Variants in GRIP1 observed in about 807,000 individuals in gnomAD.
GRIP1 encodes glutamate receptor-interacting protein 1.
Under a neutral mutation model 129.9 loss-of-function variants are expected in GRIP1, and 45 were observed. The ratio of observed to expected loss-of-function variants is 0.35; its 90% CI spans 0.27 to 0.44. The LOEUF is 0.44. Among genes scored for constraint, GRIP1 ranks in the 20% least tolerant of loss-of-function variants. GRIP1 has a pLI of 1.00. For missense variants in GRIP1, 1,196 were observed against 1,396.8 expected, an observed-to-expected ratio of 0.86 and a Z score of 2.29; for synonymous variants, 530 against 520.8, an observed-to-expected ratio of 1.02 and a Z score of -0.24.
chr12:66,820,501 T>C (rs908660663), intron 1 of GRIP1, among the ~76,000 whole-genome samples: 1 of 152,162 alleles, frequency 6.6e-6, no homozygotes, highest in Non-Finnish European at 1.5e-5. Flanking sequence ...ATCATGCTCA[T>C]TGGTATTTAC....
intron 1 of GRIP1, among the ~76,000 whole-genome samples, chr12:66,810,288 T>TGGCTCAC (rs770120622): frequency 3.3e-5 from 5 of 152,196 alleles, no homozygotes; most frequent in Admixed American, 6.5e-5. Context: ...CCAGGCATGG[T>TGGCTCAC]GGCTCACAGC....
rs375224883 is a variant in GRIP1, at chr12:67,059,806, CAA to C, written c.58+9242_58+9243del. 5.7e-3 allele frequency among the ~76,000 whole-genome samples: 874 copies of C among 152,300 alleles called. 9 individuals carry two copies. Among genetic ancestry groups the C allele is most frequent in the African/African-American group, 0.02 (841 of 41,554 alleles). On this transcript the variant is annotated intron_variant, in intron 1 of 1. Transcript: ENST00000643019. ...AAGTATACTCTAAACCAGTACTATT[CAA>C]AATGTGCTCTATGGACCATGCCAGT...
At chr12:66,349,444 T>C (rs530109778) in intron 24 of GRIP1, among the ~76,000 whole-genome samples, 198 bp from the exon 25 acceptor site, 13 of 152,290 alleles carry the variant, frequency 8.5e-5, no homozygotes, top group Non-Finnish European at 1.3e-4. Context: ...TGTAAGACTC[T>C]CGAGGGCAAG....
chr12:66,596,465 C>T (rs2064054183), intron 2 of GRIP1, among the ~76,000 whole-genome samples: 1 of 152,186 alleles, frequency 6.6e-6, no homozygotes, highest in Admixed American at 6.5e-5. Context: ...ATTCAGCATA[C>T]ATGATCTGTT....
chr12:66,372,361 T>C, intron 22 of GRIP1: 2 of 268,746 alleles, frequency 7.4e-6, no homozygotes, highest in Non-Finnish European at 1.4e-5. Flanking sequence ...GTACTTGCAA[T>C]GCTGCCTCTA....
chr12:66,904,361 T>C (rs551959473), intron 1 of GRIP1, among the ~76,000 whole-genome samples: 10 of 152,314 alleles, frequency 6.6e-5, no homozygotes, highest in East Asian at 1.9e-4. Context: ...GTAATGGAAG[T>C]ATTAATTAGT....
chr12:66,384,897 G>A (rs1016493346), intron 19 of GRIP1, among the ~76,000 whole-genome samples: 2 of 152,226 alleles, frequency 1.3e-5, no homozygotes, highest in Non-Finnish European at 2.9e-5. Flanking sequence ...ACCTTTAACT[G>A]ATACAGCTGG....
chr12:66,849,099 C>T (rs1286595434), intron 1 of GRIP1, among the ~76,000 whole-genome samples: 5 of 152,082 alleles, frequency 3.3e-5, no homozygotes, highest in Admixed American at 2.6e-4. Flanking sequence ...ATTAACAGCC[C>T]GCAAGACAAA....
At chr12:66,384,016 T>A (rs1423126512) in intron 19 of GRIP1, among the ~76,000 whole-genome samples, 1 of 152,210 alleles carries the variant, frequency 6.6e-6, no homozygotes, top group Non-Finnish European at 1.5e-5. Context: ...CCGAAATATT[T>A]AGAAGCATGG....
chr12:66,517,033 G>A (rs775811901), intron 6 of GRIP1, among the ~76,000 whole-genome samples: 59 of 152,124 alleles, frequency 3.9e-4, no homozygotes, highest in Non-Finnish European at 6.8e-4. Context: ...TCCCTAGCAC[G>A]TAGTAAATGC....
chr12:66,985,104 T>C (rs2042292567), intron 1 of GRIP1, among the ~76,000 whole-genome samples: 1 of 152,174 alleles, frequency 6.6e-6, no homozygotes, highest in Non-Finnish European at 1.5e-5. Flanking sequence ...TCTCACAGCA[T>C]GCTGGCTGGC....
chr12:66,907,526 G>C (rs1404637787), intron 1 of GRIP1, among the ~76,000 whole-genome samples: 1 of 152,150 alleles, frequency 6.6e-6, no homozygotes, highest in Non-Finnish European at 1.5e-5. Flanking sequence ...AGGTTCCCAG[G>C]AGGAAGCAGA....
intron 2 of GRIP1, among the ~76,000 whole-genome samples, chr12:66,560,708 A>G (rs962046257): frequency 2.6e-5 from 4 of 152,162 alleles, no homozygotes; most frequent in Non-Finnish European, 5.9e-5. Flanking sequence ...AGTCTTGTAC[A>G]CTGTTGGTGG....
intron 1 of GRIP1, among the ~76,000 whole-genome samples, chr12:66,678,434 C>T (rs1400263110): frequency 1.3e-5 from 2 of 152,038 alleles, no homozygotes; most frequent in East Asian, 1.9e-4. Context: ...TCTGTGGATC[C>T]ACCAGCTGTG....
chr12:66,950,729 T>C (rs1285302381), intron 1 of GRIP1, among the ~76,000 whole-genome samples: 1 of 152,124 alleles, frequency 6.6e-6, no homozygotes, highest in Admixed American at 6.6e-5. Context: ...AACCAGGTTA[T>C]AGCCAAAAAT....
chr12:66,985,746 T>G (rs1048048939), intron 1 of GRIP1, among the ~76,000 whole-genome samples: 3 of 152,156 alleles, frequency 2.0e-5, no homozygotes, highest in African/African-American at 7.2e-5. Flanking sequence ...CTCTGAGACA[T>G]CTCATCCTGC....
chr12:66,868,571 C>T (rs986467907), intron 1 of GRIP1, among the ~76,000 whole-genome samples: 6 of 151,852 alleles, frequency 4.0e-5, no homozygotes, highest in African/African-American at 9.7e-5. Context: ...ATTTTTCTAC[C>T]GTGCCACTCC....
chr12:66,796,737 A>C, intron 1 of GRIP1, among the ~76,000 whole-genome samples: 1 of 152,180 alleles, frequency 6.6e-6, no homozygotes, highest in Non-Finnish European at 1.5e-5. Flanking sequence ...TGCTGAATGA[A>C]TAAAAATGGT....
chr12:66,676,643 A>G (rs1479002637), intron 1 of GRIP1, among the ~76,000 whole-genome samples: 1 of 152,140 alleles, frequency 6.6e-6, no homozygotes, highest in Non-Finnish European at 1.5e-5. Flanking sequence ...TGGAGCCCTC[A>G]ATGGGTATAA....
Sources: gnomAD v4.1 joint callset for allele counts (sites outside exome capture counted in the v4.1 genomes callset) on GRCh38, gnomAD v4.1.1 for gene constraint, MANE v1.5 for transcripts, NCBI Gene and HGNC (gene_info 2026-07-23, HGNC 2026-07-21) for gene names.